LUC7L2: variants seen among roughly 807,000 people sequenced by gnomAD.
The protein encoded by LUC7L2 is putative RNA-binding protein Luc7-like 2.
LUC7L2 carries 25 observed loss-of-function variants against 52.8 expected under a neutral mutation model. That is an observed-to-expected ratio of 0.47 (90% CI 0.34 to 0.66). The LOEUF (loss-of-function observed/expected upper bound fraction) is 0.66, where lower values mean the gene tolerates loss of function less well. Among genes scored for constraint, LUC7L2 ranks in the 30% least tolerant of loss-of-function variants. LUC7L2 has a pLI of 0.01. For missense variants in LUC7L2, 328 were observed against 497.8 expected (o/e 0.66, Z 3.25); for synonymous variants, 144 against 160.9 (o/e 0.89, Z 0.80).
At chr7:139,344,226 G>A (rs903007401) in intron 1 of LUC7L2, among the ~76,000 whole-genome samples, 1 of 152,160 alleles carries the variant, frequency 6.6e-6, no homozygotes, top group African/African-American at 2.4e-5. Flanking sequence ...AGATGGATAA[G>A]CAAATTGTAA....
At chr7:139,373,648 C>G (rs955560265) in intron 1 of LUC7L2, among the ~76,000 whole-genome samples, 2 of 151,816 alleles carry the variant, frequency 1.3e-5, no homozygotes, top group East Asian at 3.8e-4. Flanking sequence ...TTGCTATATT[C>G]CTATTAGGAA....
At chr7:139,375,970 A>AT in intron 1 of LUC7L2, 92 bp from the exon 2 acceptor site, 1 of 1,300,332 alleles carries the variant, frequency 7.7e-7, no homozygotes, top group South Asian at 1.3e-5. Context: ...GTGTGTATAT[A>AT]GCCACACATA....
chr7:139,399,504 CTG>C (rs1243587952), intron 3 of LUC7L2, among the ~76,000 whole-genome samples: 1 of 108,680 alleles, frequency 9.2e-6, no homozygotes. Context: ...GAGTCTCGCT[CTG>C]TAGCCCAGAC....
At chr7:139,391,106 A>T (rs1022961628) in intron 2 of LUC7L2, among the ~76,000 whole-genome samples, 10 of 152,188 alleles carry the variant, frequency 6.6e-5, no homozygotes, top group African/African-American at 2.2e-4. Context: ...TGCCTGAATA[A>T]TATTGTGTAG....
intron 1 of LUC7L2, chr7:139,345,579 A>G (rs543577066): frequency 1.2e-6 from 2 of 1,614,088 alleles, no homozygotes; most frequent in Non-Finnish European, 1.7e-6. Flanking sequence ...CCTGCGTAGC[A>G]TCCGGAAACA....
intron 1 of LUC7L2, among the ~76,000 whole-genome samples, chr7:139,353,883 G>A (rs1799531402): frequency 1.3e-5 from 2 of 152,114 alleles, no homozygotes; most frequent in Admixed American, 6.5e-5. Flanking sequence ...GAGAGGTCGA[G>A]GCAGGCGGAT....
intron 8 of LUC7L2, chr7:139,417,271 G>A: frequency 3.0e-6 from 1 of 337,552 alleles, no homozygotes; most frequent in Non-Finnish European, 5.6e-6. Flanking sequence ...GAAATCCTGA[G>A]CTCAAGCGAT....
chr7:139,354,465 G>A (rs192854642), intron 1 of LUC7L2, among the ~76,000 whole-genome samples: 5 of 152,196 alleles, frequency 3.3e-5, no homozygotes, highest in South Asian at 2.1e-4. Context: ...GGGTTCAAGC[G>A]ATTCCCCTGC....
intron 3 of LUC7L2, among the ~76,000 whole-genome samples, chr7:139,399,920 T>TATAA (rs10678771): frequency 0.26 from 39,173 of 151,810 alleles, 5,463 homozygotes; most frequent in African/African-American, 0.36. Flanking sequence ...TGCATATATA[T>TATAA]AATCAGCATT....
At chr7:139,374,615 A>G (rs1032768081) in intron 1 of LUC7L2, 1 of 1,488,864 alleles carries the variant, frequency 6.7e-7, no homozygotes, top group Non-Finnish European at 8.9e-7. Context: ...TGTGTCAAAA[A>G]TAACCTACTA....
At chr7:139,378,487 A>G (rs548830711) in intron 2 of LUC7L2, among the ~76,000 whole-genome samples, 1 of 152,198 alleles carries the variant, frequency 6.6e-6, no homozygotes, top group African/African-American at 2.4e-5. Context: ...GACAGGAGGA[A>G]TGCTTGAGCT....
At chr7:139,402,099 A>G (rs770598637) in intron 3 of LUC7L2, 38 bp from the exon 4 acceptor site, 1 of 1,538,016 alleles carries the variant, frequency 6.5e-7, no homozygotes, top group Non-Finnish European at 8.7e-7. Flanking sequence ...AATAAAATTG[A>G]CTTTCTGACA....
chr7:139,363,216 G>A (rs1390000184), intron 1 of LUC7L2: 2 of 985,384 alleles, frequency 2.0e-6, no homozygotes, highest in Non-Finnish European at 2.4e-6. Context: ...ACTGAAAATC[G>A]TGCCGATGCC....
At chr7:139,346,300 A>G (rs1799269025) in intron 1 of LUC7L2, 1 of 152,036 alleles carries the variant, frequency 6.6e-6, no homozygotes. Flanking sequence ...TGTTATAAAC[A>G]TAAAATAAAA....
chr7:139,398,800 T>C, intron 3 of LUC7L2, 103 bp downstream of exon 3: 1 of 1,032,522 alleles, frequency 9.7e-7, no homozygotes, highest in Middle Eastern at 3.2e-4. Context: ...CAGTTTATCC[T>C]CTGGTTATAT....
At chr7:139,377,167 A>G (rs1800753125) in intron 2 of LUC7L2, among the ~76,000 whole-genome samples, 1 of 152,202 alleles carries the variant, frequency 6.6e-6, no homozygotes. Context: ...AAGGACTGTG[A>G]CAGATAATAA....
intron 4 of LUC7L2, among the ~76,000 whole-genome samples, chr7:139,405,195 C>T (rs1295454350): frequency 6.6e-6 from 1 of 152,044 alleles, no homozygotes; most frequent in African/African-American, 2.4e-5. Flanking sequence ...CTTGTTGGAA[C>T]GAGTGAATAT....
chr7:139,350,484 A>G (rs1254122417), intron 1 of LUC7L2, among the ~76,000 whole-genome samples: 1 of 151,272 alleles, frequency 6.6e-6, no homozygotes, highest in African/African-American at 2.4e-5. Context: ...TTCACCACTT[A>G]CTCATCCTCA....
rs560960464 is a variant in LUC7L2, at chr7:139,399,765, G to A, written c.255+1068G>A. ...ATTACAGGCGTGAGCCACGGCACCC[G>A]GCCGTTTGGGGGATATTAAGGACAG... On this transcript the variant is annotated intron_variant, in intron 3 of 9. Coordinates refer to ENST00000354926, the MANE Select transcript of LUC7L2 (RefSeq NM_016019.5). Among the ~76,000 whole-genome samples, 36 of 152,116 alleles carry A rather than the reference G, an allele frequency of 2.4e-4. No homozygotes were observed. In the South Asian group the frequency reaches 4.6e-3, roughly 19 times the overall value.
Sources: allele counts gnomAD v4.1 joint callset (sites outside exome capture counted in the v4.1 genomes callset), GRCh38; gene constraint gnomAD v4.1.1; transcripts MANE v1.5; gene names NCBI Gene and HGNC (gene_info 2026-07-23, HGNC 2026-07-21).